The following SYN1 variants were observed in gnomAD, a reference collection of about 807,000 sequenced individuals.
SYN1 encodes the protein synapsin I.
Under a neutral mutation model 44.6 loss-of-function variants are expected in SYN1, and 8 were observed. The observed-to-expected ratio is 0.18, with a 90% CI of 0.11 to 0.32. The LOEUF (loss-of-function observed/expected upper bound fraction) is 0.32. SYN1 is among the 10% of genes least tolerant of loss of function. The probability of loss-of-function intolerance (pLI) is 1.00; values close to 1 mark genes in which losing one functional copy is unlikely to be tolerated. For missense variants in SYN1, 451 were observed against 639.4 expected, an observed-to-expected ratio of 0.71 and a Z score of 3.18; for synonymous variants, 275 against 280.1, an observed-to-expected ratio of 0.98 and a Z score of 0.18.
chrX:47,574,107 G>A lies in SYN1; in HGVS notation c.1877C>T (p.Pro626Leu). 1 of 1,115,415 alleles carries A rather than the reference G, an allele frequency of 9.0e-7. No individual in the cohort carries two copies. 91.9% of individuals were successfully genotyped at this position (1,115,415 alleles called of 1,213,427 possible). A position where few individuals can be genotyped will look rare whatever the true frequency, so the allele number is the denominator to read the frequency against. Reference sequence around the variant, plus strand: ...TGGTTTGGGACGTCCAGCGGGGCCCGGGCCGCTGGGCCGAGGCTGCTGCGT... The same window carrying A: ...TGGTTTGGGACGTCCAGCGGGGCCCAGGCCGCTGGGCCGAGGCTGCTGCGT... ...PTTQQPRPSG[P>L]GPAGRPKPQL... The change falls in exon 12 of 13, where the codon CCG becomes CTG. Residue 626 changes from proline to leucine, a missense_variant. By Grantham distance (98) the Pro-to-Leu change is moderately conservative. This residue lies in a region of SYN1 where 127 missense variants were observed against 154.8 expected (regional missense o/e 0.82). Coordinates refer to ENST00000295987, the MANE Select transcript of SYN1 (RefSeq NM_006950.3).
chrX:47,608,285 AGGAAGGGGAAGGAAGGAAGG>A (rs2057905766), intron 1 of SYN1, among the ~76,000 whole-genome samples: 1 of 6,065 alleles, frequency 1.6e-4, no homozygotes, highest in Non-Finnish European at 3.3e-4. Flanking sequence ...GAAGGAAGGA[AGGAAGGGGAAGGAAGGAAGG>A]GGAAGGAAGG....
rs375327708 is a variant in SYN1, at chrX:47,586,759, G to A, written c.775-9258C>T. The A allele has an allele frequency of 3.6e-5, 41 of 1,135,455 alleles. 1 individual carries two copies. The South Asian group carries it at 6.9e-4, about 19-fold the overall frequency. 93.6% of individuals were successfully genotyped at this position (1,135,455 alleles called of 1,213,427 possible). A position where few individuals can be genotyped will look rare whatever the true frequency, so the allele number is the denominator to read the frequency against. On this transcript the variant is annotated intron_variant, in intron 5 of 12. Transcript: ENST00000295987. ...CTGTTCCCACTCCCATCTTTCTTCC[G>A]GACAATGAAATAAAGAGTTACCACC...
At position 47,619,394 on chromosome X, in the gene SYN1, G is replaced by T; in HGVS notation, c.335C>A (p.Ala112Asp). The T allele has an allele frequency of 8.4e-7, 1 of 1,193,582 alleles. No homozygotes were observed. The highest frequency in any genetic ancestry group is 1.1e-6 in the Non-Finnish European group (1 of 891,437). Reference protein sequence around the residue: ...GSGGAGRGGAASRVLLVIDEP... With the variant: ...GSGGAGRGGADSRVLLVIDEP... ...GTCGATGACCAGCAGCACCCTGGAG[G>T]CGGCTCCCCCGCGGCCTGCGCCCCC... Residue 112 changes from alanine to aspartate, a missense_variant, in exon 1 of 13, where the codon GCC becomes GAC. Ala to Asp is a moderately radical substitution (Grantham distance 126, BLOSUM62 -2). Around this residue, in one of 3 missense-constraint regions of SYN1, gnomAD observed 315 missense variants for 451.4 expected, o/e 0.70. Transcript: ENST00000295987.
At chrX:47,609,645 C>T (rs2057911296) in intron 1 of SYN1, among the ~76,000 whole-genome samples, 1 of 112,301 alleles carries the variant, frequency 8.9e-6, no homozygotes, top group Non-Finnish European at 1.9e-5. Context: ...AGCTGGGTTA[C>T]CCAGCAGCCA....
chrX:47,574,044 G>A lies in SYN1; in HGVS notation c.1940C>T (p.Pro647Leu). 1 of 1,153,594 alleles carries A rather than the reference G, an allele frequency of 8.7e-7. No individual in the cohort carries two copies. Residue 647 changes from proline (P) to leucine (L), a missense_variant, in exon 12 of 13, where the codon CCC (proline) becomes CTC (leucine). Around this residue, in one of 3 missense-constraint regions of SYN1, gnomAD observed 127 missense variants for 154.8 expected, o/e 0.82. Transcript: ENST00000295987. ...AGGTCCCCCTGCAGCGGCGGTGGCGGGTGGCGGCACGTCCTGGCTGGGTTT... is the reference window on the plus strand; with the variant it reads ...AGGTCCCCCTGCAGCGGCGGTGGCGAGTGGCGGCACGTCCTGGCTGGGTTT... The part of the protein sequence containing the change: ...AQKPSQDVPP[P>L]ATAAAGGPPH...
intron 1 of SYN1, among the ~76,000 whole-genome samples, chrX:47,608,284 AAG>A (rs1491445692): frequency 1.5e-4 from 1 of 6,760 alleles, no homozygotes; most frequent in African/African-American, 7.6e-4. Flanking sequence ...GGAAGGAAGG[AAG>A]GAAGGGGAAG....
intron 1 of SYN1, among the ~76,000 whole-genome samples, chrX:47,612,911 T>C (rs2057920345): frequency 1.8e-5 from 2 of 110,700 alleles, no homozygotes; most frequent in Admixed American, 9.5e-5. Context: ...GGTGGGCGGA[T>C]TACCTGAGGT....
Position 47,574,283 on chromosome X carries a change from T to G in SYN1, c.1701A>C (p.Thr567=). Residue 567 remains threonine, a synonymous_variant, in exon 12 of 13, where the codon ACA becomes ACC. Coordinates refer to ENST00000295987, the MANE Select transcript of SYN1 (RefSeq NM_006950.3). ...QAGPPQATRQ[T]SVSGPAPPKA... is the part of the protein sequence containing the mutation. ...TTGGCGGAGCCGGGCCAGAGACGGATGTCTGACGGGTAGCCTGTGGGGGGC... is the reference window on the plus strand; with the variant it reads ...TTGGCGGAGCCGGGCCAGAGACGGAGGTCTGACGGGTAGCCTGTGGGGGGC... 1 of 1,103,391 alleles carries G rather than the reference T, an allele frequency of 9.1e-7. No individual in the cohort carries two copies. The highest frequency in any genetic ancestry group is 1.2e-6 in the Non-Finnish European group (1 of 848,865). 90.9% of individuals were successfully genotyped at this position (1,103,391 alleles called of 1,213,427 possible).
chrX:47,603,908 T>TA lies in SYN1; in HGVS notation c.774+1069_774+1070insT, dbSNP rs1569330170. On this transcript the variant is annotated intron_variant, in intron 5 of 12. Coordinates refer to ENST00000295987, the MANE Select transcript of SYN1 (RefSeq NM_006950.3). ...TTAGTGATTATATATATATATATAT[T>TA]TTTTTTTTTTTTTTTTGAGATGGAG... Among the ~76,000 whole-genome samples the TA allele has an allele frequency of 5.3e-3, 432 of 81,722 alleles. 2 individuals carry two copies. The highest frequency in any genetic ancestry group is 0.015 in the African/African-American group (290 of 19,279). 71.0% of individuals were successfully genotyped at this position (81,722 alleles called of 115,157 possible).
Position 47,572,852 on chromosome X carries a change from CAG to C in SYN1, c.*10_*11del. 1 of 1,211,337 alleles carries C rather than the reference CAG, an allele frequency of 8.3e-7. No individual in the cohort carries two copies. Among genetic ancestry groups the C allele is most frequent in the Non-Finnish European group, 1.1e-6 (1 of 895,342 alleles). On this transcript the variant is annotated 3_prime_UTR_variant, in exon 13 of 13. Coordinates refer to ENST00000295987, the MANE Select transcript of SYN1 (RefSeq NM_006950.3). The stretch of plus-strand genomic sequence containing the variant: ...GGTTGCCCAGGGATTTTGGGGTTCT[CAG>C]AGTGGGGTATCAGTCGGAGAAGAGG...
At chrX:47,573,120 G>C in intron 12 of SYN1, 121 bp from the exon 13 acceptor site, 1 of 936,565 alleles carries the variant, frequency 1.1e-6, no homozygotes, top group Non-Finnish European at 1.5e-6. Flanking sequence ...CTGGGGCTGT[G>C]CCTGTGACCT....
intron 12 of SYN1, 95 bp from the exon 13 acceptor site, chrX:47,573,094 C>A: frequency 9.3e-7 from 1 of 1,080,030 alleles, no homozygotes; most frequent in Non-Finnish European, 1.3e-6. Context: ...CCAGCCCCAG[C>A]CCTGCCCCTC....
intron 3 of SYN1, among the ~76,000 whole-genome samples, chrX:47,605,646 G>T (rs1388535721): frequency 9.0e-6 from 1 of 110,827 alleles, no homozygotes; most frequent in Non-Finnish European, 1.9e-5. Context: ...ACAACTCCCT[G>T]GTCACCATCT....
At chrX:47,573,334 A>C (rs1281132259) in intron 12 of SYN1, among the ~76,000 whole-genome samples, 1 of 110,996 alleles carries the variant, frequency 9.0e-6, no homozygotes, top group African/African-American at 3.3e-5. Context: ...TACAAAGGGG[A>C]AGATGAGCAG....
intron 5 of SYN1, among the ~76,000 whole-genome samples, chrX:47,580,056 G>A (rs935086591): frequency 6.4e-5 from 7 of 110,049 alleles, no homozygotes; most frequent in South Asian, 4.0e-4. Context: ...AGTAAGCCTC[G>A]ATCCTCAAGA....
chrX:47,583,308 C>A, intron 5 of SYN1: 1 of 657,730 alleles, frequency 1.5e-6, no homozygotes, highest in Non-Finnish European at 2.2e-6. Context: ...GCCCCCTAAT[C>A]CCCCCCATAG....
intron 5 of SYN1, chrX:47,583,316 T>C: frequency 1.2e-6 from 1 of 809,886 alleles, no homozygotes; most frequent in Non-Finnish European, 1.7e-6. Flanking sequence ...ATCCCCCCCA[T>C]AGGCTGCCCC....
At chrX:47,591,178 C>T (rs908546996) in intron 5 of SYN1, among the ~76,000 whole-genome samples, 6 of 112,697 alleles carry the variant, frequency 5.3e-5, no homozygotes, top group Non-Finnish European at 7.5e-5. Context: ...GGCCATCAGG[C>T]TCTGCCTGCA....
chrX:47,594,192 C>T (rs1433938966), intron 5 of SYN1, among the ~76,000 whole-genome samples: 1 of 108,532 alleles, frequency 9.2e-6, no homozygotes, highest in Non-Finnish European at 1.9e-5. Context: ...CAAGATTGCG[C>T]CACTGCACTC....
Sources: allele counts gnomAD v4.1 joint callset (sites outside exome capture counted in the v4.1 genomes callset), GRCh38; gene constraint gnomAD v4.1.1; regional missense constraint gnomAD v4.1.1; transcripts MANE v1.5; gene names NCBI Gene and HGNC (gene_info 2026-07-23, HGNC 2026-07-21).